ZNF420: variants seen among roughly 807,000 people sequenced by gnomAD.
ZNF420 encodes the protein ATM and p53-associated KZNF protein.
A neutral mutation model predicts 44.7 loss-of-function variants in ZNF420; 31 were observed. That is an observed-to-expected ratio of 0.69 (90% confidence interval 0.52 to 0.94). The LOEUF is 0.94. Ranked by LOEUF, ZNF420 falls within the 40% of genes least tolerant of loss-of-function variation. The pLI, the probability that ZNF420 is intolerant of heterozygous loss-of-function variation, is 0.00. For synonymous variants in ZNF420, 245 were observed against 267.4 expected (o/e 0.92, Z 0.82); for missense variants, 681 against 827.9 (o/e 0.82, Z 2.18).
intron 4 of ZNF420, among the ~76,000 whole-genome samples, chr19:37,107,921 G>A (rs968547108): frequency 6.6e-5 from 10 of 151,922 alleles, no homozygotes; most frequent in East Asian, 3.9e-4. Context: ...CCCTGTAGAC[G>A]GCATCTAACC....
chr19:37,117,297 A>G (rs1005900141), intron 4 of ZNF420, among the ~76,000 whole-genome samples: 2 of 152,204 alleles, frequency 1.3e-5, no homozygotes, highest in African/African-American at 4.8e-5. Context: ...GCGGTTCACG[A>G]AAATCGGCTG....
intron 4 of ZNF420, among the ~76,000 whole-genome samples, chr19:37,104,937 AT>A (rs1969993622): frequency 6.6e-6 from 1 of 152,128 alleles, no homozygotes; most frequent in Non-Finnish European, 1.5e-5. Context: ...ATTTTCTCCC[AT>A]TCTTTAGGTT....
chr19:37,103,164 A>C (rs1969873440), intron 4 of ZNF420, among the ~76,000 whole-genome samples: 1 of 152,064 alleles, frequency 6.6e-6, no homozygotes, highest in South Asian at 2.1e-4. Flanking sequence ...ATTTCACACA[A>C]AGTTTCTTTT....
chr19:37,056,064 TTCTC>T (rs1031918045), intron 1 of ZNF420, among the ~76,000 whole-genome samples: 39 of 151,968 alleles, frequency 2.6e-4, no homozygotes, highest in African/African-American at 9.0e-4. Context: ...CCATTCTCTC[TTCTC>T]TCTCTGTCTC....
At chr19:37,077,784 AC>A (rs1968197023), upstream of ZNF420, among the ~76,000 whole-genome samples, 1 of 152,194 alleles carries the variant, frequency 6.6e-6, no homozygotes, top group Non-Finnish European at 1.5e-5. Context: ...AGATATACAT[AC>A]AGATACCCTT....
intron 1 of ZNF420, among the ~76,000 whole-genome samples, chr19:37,019,864 T>G (rs564373824): frequency 2.0e-4 from 30 of 151,988 alleles, no homozygotes; most frequent in Admixed American, 1.2e-3. Context: ...TTCAAAGAGA[T>G]ATTTGTACAC....
At chr19:37,118,880 T>C (rs1006042332) in intron 4 of ZNF420, among the ~76,000 whole-genome samples, 4 of 152,182 alleles carry the variant, frequency 2.6e-5, no homozygotes, top group Non-Finnish European at 4.4e-5. Context: ...AGAAGGCCAT[T>C]ACATAATGTT....
At chr19:37,013,433 G>A (rs1337990813) in intron 1 of ZNF420, among the ~76,000 whole-genome samples, 3 of 152,150 alleles carry the variant, frequency 2.0e-5, no homozygotes, top group African/African-American at 7.2e-5. Flanking sequence ...CAGTGCATCC[G>A]TGTCAAAGCT....
intron 4 of ZNF420, among the ~76,000 whole-genome samples, chr19:37,116,630 G>A (rs1028785564): frequency 3.7e-4 from 56 of 152,262 alleles, no homozygotes; most frequent in African/African-American, 1.2e-3. Flanking sequence ...GCAGCACACT[G>A]TGTGCGAGCC....
At position 37,128,472 on chromosome 19, in the gene ZNF420, A is replaced by T. The variant is rs371018781; in HGVS notation, c.1481A>T (p.Gln494Leu). The change falls in exon 5 of 5, where the codon CAG (glutamine) becomes CTG (leucine). Residue 494 changes from glutamine to leucine, a missense_variant. By Grantham distance (113) the Gln-to-Leu change is moderately radical. Transcript: ENST00000337995. ...FIRGSQLTQH[Q>L]RIHTGEKPYE... ...CGTGGTTCCCAGCTTACTCAACATC[A>T]GAGAATCCATACTGGTGAGAAACCT... 3.5e-5 allele frequency: 57 copies of T among 1,614,056 alleles called. No individual in the cohort carries two copies. Among genetic ancestry groups the T allele is most frequent in the Non-Finnish European group, 4.4e-5 (52 of 1,179,998 alleles).
chr19:37,108,858 A>C (rs1207080070), intron 4 of ZNF420, among the ~76,000 whole-genome samples: 1 of 152,226 alleles, frequency 6.6e-6, no homozygotes, highest in Non-Finnish European at 1.5e-5. Flanking sequence ...CGAGGTGCCC[A>C]ATCTATAATA....
upstream of ZNF420, among the ~76,000 whole-genome samples, chr19:37,074,082 A>T (rs1380628940): frequency 6.6e-6 from 1 of 152,264 alleles, no homozygotes; most frequent in Admixed American, 6.5e-5. Flanking sequence ...CTCCTAACTT[A>T]ATAACTGATT....
At chr19:37,063,194 A>T (rs2146443519) in intron 1 of ZNF420, among the ~76,000 whole-genome samples, 1 of 152,324 alleles carries the variant, frequency 6.6e-6, no homozygotes, top group South Asian at 2.1e-4. Flanking sequence ...TTGTTGACCT[A>T]ATGCTACATC....
intron 4 of ZNF420, among the ~76,000 whole-genome samples, chr19:37,105,179 G>A (rs1404769841): frequency 6.6e-6 from 1 of 152,158 alleles, no homozygotes; most frequent in Non-Finnish European, 1.5e-5. Context: ...TTTTATATAA[G>A]GTGTAAGGGA....
At chr19:37,106,877 A>C (rs973149188) in intron 4 of ZNF420, 3 of 152,072 alleles carry the variant, frequency 2.0e-5, no homozygotes, top group African/African-American at 7.2e-5. Context: ...GGTCAGCGGG[A>C]AAACATGTAA....
At chr19:37,095,045 C>T (rs1245071328) in intron 4 of ZNF420, among the ~76,000 whole-genome samples, 3 of 151,062 alleles carry the variant, frequency 2.0e-5, no homozygotes, top group East Asian at 1.9e-4. Flanking sequence ...GCAGGAGAAT[C>T]GCTTGAACCT....
intron 1 of ZNF420, among the ~76,000 whole-genome samples, chr19:37,010,378 G>C (rs1006233269): frequency 6.6e-6 from 1 of 152,084 alleles, no homozygotes; most frequent in African/African-American, 2.4e-5. Flanking sequence ...CCGTGATCTC[G>C]ACGACATGTC....
chr19:37,056,486 T>C (rs893317450), intron 1 of ZNF420, among the ~76,000 whole-genome samples: 1 of 152,216 alleles, frequency 6.6e-6, no homozygotes, highest in Non-Finnish European at 1.5e-5. Flanking sequence ...GACTCGCCCC[T>C]GTCCCTGTTT....
chr19:37,041,741 T>C (rs978809919), intron 1 of ZNF420, among the ~76,000 whole-genome samples: 7 of 152,208 alleles, frequency 4.6e-5, no homozygotes, highest in Non-Finnish European at 8.8e-5. Flanking sequence ...TTATAGCTTA[T>C]ATTGAAGAGT....
Sources: gnomAD v4.1 joint callset for allele counts (sites outside exome capture counted in the v4.1 genomes callset) on GRCh38, gnomAD v4.1.1 for gene constraint, MANE v1.5 for transcripts, NCBI Gene and HGNC (gene_info 2026-07-23, HGNC 2026-07-21) for gene names.